The following VIRMA variants were observed in gnomAD, a reference collection of about 807,000 sequenced individuals.
The protein encoded by VIRMA is protein virilizer homolog.
VIRMA carries 65 observed loss-of-function variants against 182.4 expected under a neutral mutation model. The observed-to-expected ratio is 0.36, with a 90% CI of 0.29 to 0.44. The LOEUF is 0.44. Among genes scored for constraint, VIRMA ranks in the 20% least tolerant of loss-of-function variants. The pLI is 1.00. For missense variants in VIRMA, 1,752 were observed against 2,158.1 expected (o/e 0.81, Z 3.73); for synonymous variants, 709 against 743.1 (o/e 0.95, Z 0.75).
At chr8:94,546,200 A>G (rs559849535) in intron 1 of VIRMA, among the ~76,000 whole-genome samples, 22 of 151,276 alleles carry the variant, frequency 1.5e-4, no homozygotes, top group Non-Finnish European at 2.5e-4. Context: ...CCACAGCCAG[A>G]GGACAATTCC....
At chr8:94,509,991 T>C in intron 14 of VIRMA, 51 bp from the exon 15 acceptor site, 2 of 1,485,960 alleles carry the variant, frequency 1.3e-6, no homozygotes, top group Non-Finnish European at 1.8e-6. Context: ...CCTTAAGGCA[T>C]TGTTTAACTA....
At chr8:94,525,557 T>G (rs1446077177) in intron 8 of VIRMA, among the ~76,000 whole-genome samples, 8 of 152,236 alleles carry the variant, frequency 5.3e-5, no homozygotes, top group African/African-American at 1.9e-4. Context: ...GGGAATGCAC[T>G]ATGCTCCATC....
chr8:94,511,745 G>C lies in VIRMA; in HGVS notation c.2846-16C>G, dbSNP rs1209554131. On this transcript the variant is annotated splice_polypyrimidine_tract_variant and intron_variant, in intron 12 of 23. Transcript: ENST00000297591. Reference sequence around the variant, plus strand: ...TTCTGTTGACCTTTATATAGGATAAGAAAAAGAAACAAAACTAATTACTTA... The same window carrying C: ...TTCTGTTGACCTTTATATAGGATAACAAAAAGAAACAAAACTAATTACTTA... The C allele has an allele frequency of 1.3e-5, 21 of 1,576,566 alleles. No homozygotes were observed. Among genetic ancestry groups the C allele is most frequent in the Non-Finnish European group, 1.7e-5 (20 of 1,159,582 alleles).
At chr8:94,523,783 C>T (rs1313056765) in intron 8 of VIRMA, among the ~76,000 whole-genome samples, 1 of 150,622 alleles carries the variant, frequency 6.6e-6, no homozygotes, top group Non-Finnish European at 1.5e-5. Flanking sequence ...GCATGCACCA[C>T]CACACCTGGC....
chr8:94,535,619 C>T (rs963220062), intron 4 of VIRMA, among the ~76,000 whole-genome samples: 1 of 152,060 alleles, frequency 6.6e-6, no homozygotes, highest in African/African-American at 2.4e-5. Flanking sequence ...CTCGTCTCTA[C>T]TAAAATTACA....
At chr8:94,524,072 T>C (rs1814868914) in intron 8 of VIRMA, among the ~76,000 whole-genome samples, 1 of 150,872 alleles carries the variant, frequency 6.6e-6, no homozygotes. Context: ...AGATCTCAGC[T>C]CACTGCAACC....
Position 94,492,706 on chromosome 8 carries a change from G to C in VIRMA, c.4754C>G (p.Thr1585Ser), listed in dbSNP as rs1261918571. Residue 1585 changes from threonine to serine, a missense_variant, in exon 21 of 24, where the codon ACT becomes AGT. Thr to Ser is a moderately conservative substitution (Grantham distance 58, BLOSUM62 1). Coordinates refer to ENST00000297591, the MANE Select transcript of VIRMA (RefSeq NM_015496.5). The stretch of plus-strand genomic sequence containing the variant: ...CTTCCCAAGTTTGAATCCTTTAGTA[G>C]TCTTGGTTCTTCCTGGAGATGATGG... ...SEPSSPGRTK[T>S]TKGFKLGKHK... is the part of the protein sequence containing the mutation. 3 of 1,613,856 alleles carry C rather than the reference G, an allele frequency of 1.9e-6. No homozygotes were observed. The highest frequency in any genetic ancestry group is 1.3e-5 in the African/African-American group (1 of 74,912).
Position 94,511,770 on chromosome 8 carries a change from A to AC in VIRMA, c.2846-42_2846-41insG, listed in dbSNP as rs773111109. The AC allele has an allele frequency of 4.4e-6, 6 of 1,348,544 alleles. No homozygotes were observed. In the East Asian group the frequency reaches 1.2e-4, roughly 27 times the overall value. The allele number at this position is 1,348,544 out of a possible 1,614,324, so 83.5% of individuals were successfully genotyped here. On this transcript the variant is annotated intron_variant, in intron 12 of 23. Coordinates refer to ENST00000297591, the MANE Select transcript of VIRMA (RefSeq NM_015496.5). ...GAAAAAGAAACAAAACTAATTACTT[A>AC]TATGTTAATAACTGATTAAGAATTA...
rs568487573 is a variant in VIRMA, at chr8:94,527,456, T to G, written c.881-93A>C. 1.8e-5 allele frequency: 14 copies of G among 798,156 alleles called. No homozygotes were observed. In the East Asian group the frequency reaches 3.7e-4, roughly 21 times the overall value. 49.4% of individuals were successfully genotyped at this position (798,156 alleles called of 1,614,324 possible). ...ACAAGAAATAGTTTTAATAAAACAT[T>G]AAAAATGATTTCCTCAACAAAACCA... On this transcript the variant is annotated intron_variant, in intron 7 of 23. Transcript: ENST00000297591.
At chr8:94,529,746 T>C (rs1297350989) in intron 6 of VIRMA, among the ~76,000 whole-genome samples, 3 of 152,050 alleles carry the variant, frequency 2.0e-5, no homozygotes, top group Admixed American at 6.6e-5. Context: ...CTCAAGCAAT[T>C]CTCCTCCCTC....
intron 6 of VIRMA, among the ~76,000 whole-genome samples, chr8:94,529,915 C>G (rs1276963488): frequency 1.3e-5 from 2 of 152,262 alleles, no homozygotes; most frequent in African/African-American, 4.8e-5. Context: ...GCTGGGATTA[C>G]AGGCGTGAGC....
chr8:94,517,148 T>C (rs1029267838), intron 10 of VIRMA, among the ~76,000 whole-genome samples: 1 of 152,252 alleles, frequency 6.6e-6, no homozygotes, highest in African/African-American at 2.4e-5. Context: ...TTGTGTTTTA[T>C]GTAGAAATAC....
chr8:94,532,293 C>G (rs28848914), intron 5 of VIRMA, among the ~76,000 whole-genome samples: 6,071 of 152,126 alleles, frequency 0.04, 130 homozygotes, highest in Non-Finnish European at 0.05. Context: ...TTTTAGTAGA[C>G]ATGAGGTTTC....
intron 15 of VIRMA, among the ~76,000 whole-genome samples, chr8:94,508,762 A>C (rs1814253614): frequency 1.3e-5 from 2 of 152,138 alleles, no homozygotes; most frequent in African/African-American, 2.4e-5. Context: ...AATATTTGTT[A>C]AGGTAGAAAA....
rs1814977080 is a variant in VIRMA, at chr8:94,526,555, C to T, written c.1689G>A (p.Leu563=). The part of the protein sequence containing the change: ...ILQKCHFYEV[L]SEIKRLGDHL... Reference sequence around the variant, plus strand: ...GGTCACCAAGTCTTTTAATCTCTGACAAGACTTCATAGAAATGGCATTTTT... The same window carrying T: ...GGTCACCAAGTCTTTTAATCTCTGATAAGACTTCATAGAAATGGCATTTTT... The change falls in exon 8 of 24, where the codon TTG becomes TTA. Residue 563 remains leucine, a synonymous_variant. Transcript: ENST00000297591. 1.9e-6 allele frequency: 3 copies of T among 1,613,372 alleles called. No individual in the cohort carries two copies. The Admixed American group carries it at 5.0e-5, about 27-fold the overall frequency.
Position 94,519,138 on chromosome 8 carries a change from G to T in VIRMA, c.2360C>A (p.Thr787Lys). ...HFQRCTASEE[T>K]DHSDLLGTLH... ...GGTTCCCAAGAGATCTGAATGGTCT[G>T]TTTCTTCACTGGCTGTACAACGCTG... is the stretch of plus-strand genomic sequence containing the variant. Residue 787 changes from threonine to lysine, a missense_variant, in exon 9 of 24, where the codon ACA becomes AAA. By Grantham distance (78) the Thr-to-Lys change is moderately conservative. Around this residue, in one of 11 missense-constraint regions of VIRMA, gnomAD observed 45 missense variants for 91.0 expected, o/e 0.49. Transcript: ENST00000297591. 1.2e-6 allele frequency: 2 copies of T among 1,614,114 alleles called. No homozygotes were observed. Among genetic ancestry groups the T allele is most frequent in the Non-Finnish European group, 1.7e-6 (2 of 1,180,000 alleles).
At chr8:94,529,989 A>G (rs779713330) in intron 6 of VIRMA, among the ~76,000 whole-genome samples, 3 of 151,898 alleles carry the variant, frequency 2.0e-5, no homozygotes, top group African/African-American at 4.8e-5. Context: ...GGGTCTCCCT[A>G]TGTTGCCCAG....
chr8:94,490,855 A>C (rs529800084), intron 22 of VIRMA, among the ~76,000 whole-genome samples: 1 of 152,160 alleles, frequency 6.6e-6, no homozygotes, highest in South Asian at 2.1e-4. Flanking sequence ...CTCCAAAAAA[A>C]AAAATCTTGT....
In VIRMA at chr8:94,527,199, A is replaced by G. The variant is rs924238495; in HGVS notation, c.1045T>C (p.Leu349=). 5.0e-6 allele frequency: 8 copies of G among 1,613,988 alleles called. No homozygotes were observed. Among genetic ancestry groups the G allele is most frequent in the Non-Finnish European group, 6.8e-6 (8 of 1,179,986 alleles). The part of the protein sequence containing the change: ...DPYDRELVPL[L]YFSCPYKTTF... The stretch of plus-strand genomic sequence containing the variant: ...GTCTTGTATGGACAACTGAAGTATA[A>G]GAGTGGTACAAGCTCCCTGTCATAT... Residue 349 remains leucine, a synonymous_variant, in exon 8 of 24, where the codon TTA becomes CTA. Transcript: ENST00000297591.
Sources: allele counts gnomAD v4.1 joint callset (sites outside exome capture counted in the v4.1 genomes callset), GRCh38; gene constraint gnomAD v4.1.1; regional missense constraint gnomAD v4.1.1; transcripts MANE v1.5; gene names NCBI Gene and HGNC (gene_info 2026-07-23, HGNC 2026-07-21).